The following GRM8 variants were observed in gnomAD, a reference collection of about 807,000 sequenced individuals.
GRM8 encodes metabotropic glutamate receptor 8.
Under a neutral mutation model 87.2 loss-of-function variants are expected in GRM8, and 47 were observed. The observed-to-expected ratio is 0.54, with a 90% CI of 0.43 to 0.69. The LOEUF (loss-of-function observed/expected upper bound fraction) is 0.69, where lower values mean the gene tolerates loss of function less well. Among genes scored for constraint, GRM8 ranks in the 30% least tolerant of loss-of-function variants. GRM8 has a pLI of 0.00. For missense variants in GRM8, 1,019 were observed against 1,139.2 expected, an observed-to-expected ratio of 0.89 and a Z score of 1.52; for synonymous variants, 396 against 404.5, an observed-to-expected ratio of 0.98 and a Z score of 0.25.
chr7:126,567,004 G>T (rs910320741), intron 8 of GRM8, among the ~76,000 whole-genome samples: 1 of 152,072 alleles, frequency 6.6e-6, no homozygotes, highest in Non-Finnish European at 1.5e-5. Flanking sequence ...AGTTTAGAAT[G>T]GTGGTTACCA....
At chr7:126,820,481 TAAC>T (rs1794197336) in intron 6 of GRM8, among the ~76,000 whole-genome samples, 1 of 152,198 alleles carries the variant, frequency 6.6e-6, no homozygotes, top group Non-Finnish European at 1.5e-5. Flanking sequence ...TACCTTTTCT[TAAC>T]AACATCTTTA....
chr7:126,617,178 A>G (rs951591908), intron 7 of GRM8, among the ~76,000 whole-genome samples: 2 of 152,196 alleles, frequency 1.3e-5, no homozygotes, highest in African/African-American at 4.8e-5. Context: ...TTTATCCACC[A>G]TGATCAAGTT....
chr7:126,922,273 C>T (rs1486235331), intron 3 of GRM8, among the ~76,000 whole-genome samples: 1 of 151,988 alleles, frequency 6.6e-6, no homozygotes, highest in East Asian at 1.9e-4. Flanking sequence ...GCACTGAATA[C>T]TAATTAAATC....
intron 8 of GRM8, among the ~76,000 whole-genome samples, chr7:126,542,889 A>T (rs533288048): frequency 6.6e-6 from 1 of 152,384 alleles, no homozygotes; most frequent in African/African-American, 2.4e-5. Flanking sequence ...TTTGTGAATT[A>T]TGTCTAAGTG....
chr7:126,692,642 C>T (rs1193385711), intron 7 of GRM8, among the ~76,000 whole-genome samples: 1 of 152,104 alleles, frequency 6.6e-6, no homozygotes, highest in Non-Finnish European at 1.5e-5. Context: ...ATATCAGAAT[C>T]CCAAAGACTA....
chr7:126,855,836 T>C (rs1421585362), intron 6 of GRM8, among the ~76,000 whole-genome samples: 1 of 151,960 alleles, frequency 6.6e-6, no homozygotes, highest in East Asian at 1.9e-4. Context: ...ACACTGATCA[T>C]GAAGTGAACT....
At chr7:127,023,663 G>C (rs1418406569) in intron 3 of GRM8, among the ~76,000 whole-genome samples, 1 of 151,970 alleles carries the variant, frequency 6.6e-6, no homozygotes, top group Non-Finnish European at 1.5e-5. Flanking sequence ...AAAAGGTTTT[G>C]ATCATTTCAT....
Position 126,763,472 on chromosome 7 carries a change from T to TATATATATATAC in GRM8, c.1357+6392_1357+6393insGTATATATATAT, listed in dbSNP as rs1479649712. Among the ~76,000 whole-genome samples the TATATATATATAC allele has an allele frequency of 6.4e-5, 5 of 78,358 alleles. No homozygotes were observed. The South Asian group carries it at 1.9e-3, about 30-fold the overall frequency. The allele number at this position is 78,358 out of a possible 152,430, so 51.4% of individuals were successfully genotyped here. ...ATATATATATATATATATATATATA[T>TATATATATATAC]ACACACACACACACACACACACACA... On this transcript the variant is annotated intron_variant, in intron 7 of 10. Coordinates refer to ENST00000339582, the MANE Select transcript of GRM8 (RefSeq NM_000845.3).
intron 3 of GRM8, among the ~76,000 whole-genome samples, chr7:127,049,275 A>G (rs1819233895): frequency 6.6e-6 from 1 of 152,174 alleles, no homozygotes; most frequent in African/African-American, 2.4e-5. Flanking sequence ...ATGATAATAT[A>G]TATGGAAGGA....
intron 9 of GRM8, among the ~76,000 whole-genome samples, chr7:126,466,491 T>C (rs902926634): frequency 6.6e-6 from 1 of 151,934 alleles, no homozygotes; most frequent in Admixed American, 6.6e-5. Flanking sequence ...CCTATTGATA[T>C]ATGTATATAT....
At chr7:126,470,859 C>A (rs985596870) in intron 9 of GRM8, among the ~76,000 whole-genome samples, 2 of 152,090 alleles carry the variant, frequency 1.3e-5, no homozygotes, top group Non-Finnish European at 2.9e-5. Flanking sequence ...CCTGCTGTTT[C>A]CTGACTTTTT....
At chr7:127,181,826 G>T (rs938988423) in intron 2 of GRM8, among the ~76,000 whole-genome samples, 1 of 151,772 alleles carries the variant, frequency 6.6e-6, no homozygotes, top group Non-Finnish European at 1.5e-5. Context: ...CATCTCTCAC[G>T]TTATACAAAA....
At chr7:126,878,833 T>A (rs1013492769) in intron 6 of GRM8, among the ~76,000 whole-genome samples, 24 of 151,248 alleles carry the variant, frequency 1.6e-4, no homozygotes, top group Non-Finnish European at 2.4e-4. Flanking sequence ...AGCCTTGAGA[T>A]ACTGTCTTCT....
chr7:126,589,336 G>A (rs2106311), intron 8 of GRM8, among the ~76,000 whole-genome samples: 46,916 of 151,866 alleles, frequency 0.31, 8,128 homozygotes, highest in East Asian at 0.44. Context: ...AGCCGGGTGA[G>A]GCCTGTAACT....
chr7:126,640,034 T>C (rs1415524247), intron 7 of GRM8, among the ~76,000 whole-genome samples: 1 of 152,172 alleles, frequency 6.6e-6, no homozygotes, highest in African/African-American at 2.4e-5. Context: ...AGAAAACTCT[T>C]AACACATAAC....
At chr7:126,783,774 T>A (rs1230121346) in intron 6 of GRM8, among the ~76,000 whole-genome samples, 1 of 152,226 alleles carries the variant, frequency 6.6e-6, no homozygotes, top group Non-Finnish European at 1.5e-5. Flanking sequence ...ATAGATCATC[T>A]GAGACTAACT....
In GRM8 at chr7:127,243,281, G is replaced by A. The variant is rs980589570; in HGVS notation, c.-77C>T. 4 of 1,331,818 alleles carry A rather than the reference G, an allele frequency of 3.0e-6. No homozygotes were observed. The Admixed American group carries it at 6.2e-5, about 21-fold the overall frequency. 82.5% of individuals were successfully genotyped at this position (1,331,818 alleles called of 1,614,324 possible). On this transcript the variant is annotated 5_prime_UTR_variant, in exon 2 of 11. An upstream open reading frame in the 5' UTR gains an earlier in-frame stop. Transcript: ENST00000339582. Reference sequence around the variant, plus strand: ...AGAAGAAAGGGCACCACCTGAGGCTGCACCTTCTGGAGGCTACCATCAGGG... The same window carrying A: ...AGAAGAAAGGGCACCACCTGAGGCTACACCTTCTGGAGGCTACCATCAGGG...
chr7:126,542,545 G>C (rs1001156866), intron 8 of GRM8, among the ~76,000 whole-genome samples: 1 of 152,240 alleles, frequency 6.6e-6, no homozygotes, highest in South Asian at 2.1e-4. Context: ...AACTGGAGAA[G>C]ACAAAGAAAG....
chr7:126,666,790 T>C lies in GRM8; in HGVS notation c.1358-57292A>G, dbSNP rs1370257880. Among the ~76,000 whole-genome samples the C allele has an allele frequency of 2.6e-5, 4 of 152,218 alleles. No individual in the cohort carries two copies. In the East Asian group the frequency reaches 7.7e-4, roughly 29 times the overall value. ...GTTTGAAAACCAAAAATATGTTTAA[T>C]TTTTGTCAAATCCTGACCTGAAATA... On this transcript the variant is annotated intron_variant, in intron 7 of 10. Coordinates refer to ENST00000339582, the MANE Select transcript of GRM8 (RefSeq NM_000845.3).
Sources: allele counts gnomAD v4.1 joint callset (sites outside exome capture counted in the v4.1 genomes callset), GRCh38; gene constraint gnomAD v4.1.1; transcripts MANE v1.5; gene names NCBI Gene and HGNC (gene_info 2026-07-23, HGNC 2026-07-21).